The following KCNK12 variants were observed in gnomAD, a reference collection of about 807,000 sequenced individuals.
KCNK12 encodes potassium channel subfamily K member 12.
A neutral mutation model predicts 25.3 loss-of-function variants in KCNK12; 6 were observed. The ratio of observed to expected loss-of-function variants is 0.24; its 90% CI spans 0.13 to 0.47. KCNK12 has a LOEUF of 0.47. Among genes scored for constraint, KCNK12 ranks in the 20% least tolerant of loss-of-function variants. The pLI is 0.99. For synonymous variants in KCNK12, 331 were observed against 311.1 expected (o/e 1.06, Z -0.67); for missense variants, 444 against 661.7 (o/e 0.67, Z 3.61).
At position 47,511,610 on chromosome 2, in the gene KCNK12, GCA is replaced by G. The variant is rs1271004900; in HGVS notation, c.*9295_*9296del. Among the ~76,000 whole-genome samples, 2 of 152,170 alleles carry G rather than the reference GCA, an allele frequency of 1.3e-5. No homozygotes were observed. Among genetic ancestry groups the G allele is most frequent in the Non-Finnish European group, 2.9e-5 (2 of 68,034 alleles). On this transcript the variant is annotated 3_prime_UTR_variant, in exon 2 of 2. Transcript: ENST00000327876. This position sits in a 1 kb window ranked among gnomAD's most constrained non-coding sequence, Gnocchi z 4.3. ...CCCTGGGGGTGGGAGAGGGATGGGT[GCA>G]CGGTGAACAGCAGGTGGGGGTCTTT...
chr2:47,567,587 C>A (rs1310644764), intron 1 of KCNK12, among the ~76,000 whole-genome samples: 1 of 152,168 alleles, frequency 6.6e-6, no homozygotes, highest in Non-Finnish European at 1.5e-5. Context: ...ACCACTGACC[C>A]CAGAATATCC....
chr2:47,562,373 T>G lies in KCNK12; in HGVS notation c.391+7568A>C, dbSNP rs113953891. 9.7e-3 allele frequency: 3,446 copies of G among 356,158 alleles called. 116 individuals are homozygous for G. Among genetic ancestry groups the G allele is most frequent in the African/African-American group, 0.065 (3,138 of 48,042 alleles). 22.1% of individuals were successfully genotyped at this position (356,158 alleles called of 1,614,324 possible). On this transcript the variant is annotated intron_variant, in intron 1 of 1. Coordinates refer to ENST00000327876, the MANE Select transcript of KCNK12 (RefSeq NM_022055.2). This position sits in a 1 kb window ranked among gnomAD's most constrained non-coding sequence, Gnocchi z 4.8. ...CACCTTGGAATGAGATCCTCTGGGATCTGGAGGAAGCAGATGGAGGAGAAA... is the reference window on the plus strand; with the variant it reads ...CACCTTGGAATGAGATCCTCTGGGAGCTGGAGGAAGCAGATGGAGGAGAAA...
In KCNK12 at chr2:47,570,411, A is replaced by AGG. The variant is rs1200790370; in HGVS notation, c.-82_-81dup. On this transcript the variant is annotated 5_prime_UTR_variant, in exon 1 of 2. Coordinates refer to ENST00000327876, the MANE Select transcript of KCNK12 (RefSeq NM_022055.2). Reference sequence around the variant, plus strand: ...TCCCCCCGGCGGGAGCAGGAGCGTGAGGATGGTGGCCAGGGGTCCGGGGCC... The same window carrying AGG: ...TCCCCCCGGCGGGAGCAGGAGCGTGAGGGGATGGTGGCCAGGGGTCCGGGGCC... 74 of 1,199,558 alleles carry AGG rather than the reference A, an allele frequency of 6.2e-5. No homozygotes were observed. Among genetic ancestry groups the AGG allele is most frequent in the Non-Finnish European group, 7.2e-5 (70 of 967,852 alleles). 74.3% of individuals were successfully genotyped at this position (1,199,558 alleles called of 1,614,324 possible). A position where few individuals can be genotyped will look rare whatever the true frequency, so the allele number is the denominator to read the frequency against.
intron 1 of KCNK12, among the ~76,000 whole-genome samples, chr2:47,530,610 C>A (rs1047920761): frequency 6.6e-6 from 1 of 152,194 alleles, no homozygotes; most frequent in African/African-American, 2.4e-5. Flanking sequence ...TTAATCCTCA[C>A]AACAACTGCA....
At position 47,560,628 on chromosome 2, in the gene KCNK12, A is replaced by G. The variant is rs1669648642; in HGVS notation, c.391+9313T>C. Among the ~76,000 whole-genome samples the G allele has an allele frequency of 6.6e-6, 1 of 152,010 alleles. No individual in the cohort carries two copies. Among genetic ancestry groups the G allele is most frequent in the Admixed American group, 6.6e-5 (1 of 15,262 alleles). On this transcript the variant is annotated intron_variant, in intron 1 of 1. Transcript: ENST00000327876. This position sits in a 1 kb window ranked among gnomAD's most constrained non-coding sequence, Gnocchi z 4.7. ...TGTGTGATGCCAAGAAAGTTGCTTA[A>G]CCTCTCTGAGCCTGTCATCTGTGAA...
Position 47,541,619 on chromosome 2 carries a change from C to G in KCNK12, c.392-19811G>C, listed in dbSNP as rs1244901641. 2.0e-5 allele frequency among the ~76,000 whole-genome samples: 3 copies of G among 152,078 alleles called. No individual in the cohort carries two copies. In the East Asian group the frequency reaches 5.8e-4, roughly 29 times the overall value. Reference sequence around the variant, plus strand: ...GAATGTTACTGCATTGGTAGAAAGGCTTTTTAAAAAAGGGAATCAAGGTAA... The same window carrying G: ...GAATGTTACTGCATTGGTAGAAAGGGTTTTTAAAAAAGGGAATCAAGGTAA... On this transcript the variant is annotated intron_variant, in intron 1 of 1. Transcript: ENST00000327876.
rs916083642 is a variant in KCNK12, at chr2:47,555,470, C to T, written c.391+14471G>A. On this transcript the variant is annotated intron_variant, in intron 1 of 1. Coordinates refer to ENST00000327876, the MANE Select transcript of KCNK12 (RefSeq NM_022055.2). This position sits in a 1 kb window ranked among gnomAD's most constrained non-coding sequence, Gnocchi z 4.5. ...GTCTGCATAACAAACCTTACTAAAA[C>T]CAAAGCTTATTCTCCATTAGTTTCC... is the stretch of plus-strand genomic sequence containing the variant. Among the ~76,000 whole-genome samples the T allele has an allele frequency of 2.0e-5, 3 of 152,206 alleles. No homozygotes were observed. The highest frequency in any genetic ancestry group is 7.2e-5 in the African/African-American group (3 of 41,456).
chr2:47,569,952 A>C lies in KCNK12; in HGVS notation c.380T>G (p.Val127Gly). 1 of 1,420,992 alleles carries C rather than the reference A, an allele frequency of 7.0e-7. No homozygotes were observed. Among genetic ancestry groups the C allele is most frequent in the Non-Finnish European group, 9.2e-7 (1 of 1,087,146 alleles). The allele number at this position is 1,420,992 out of a possible 1,614,324, so 88.0% of individuals were successfully genotyped here. A position where few individuals can be genotyped will look rare whatever the true frequency, so the allele number is the denominator to read the frequency against. The change falls in exon 1 of 2, where the codon GTG (valine) becomes GGG (glycine). Residue 127 changes from valine to glycine, a missense_variant. Coordinates refer to ENST00000327876, the MANE Select transcript of KCNK12 (RefSeq NM_022055.2). The surrounding 1 kb of genome is among the most constrained non-coding windows in gnomAD (Gnocchi z 4.1). ...GACGCGCCGCTCACCTATGGTTGAC[A>C]CCACGGTGCCCACGAAGTAGAAGGC... ...PGAFYFVGTVVSTIGFGMTTP... is the reference protein window; with the variant it reads ...PGAFYFVGTVGSTIGFGMTTP...
intron 1 of KCNK12, among the ~76,000 whole-genome samples, chr2:47,536,602 C>T (rs914556587): frequency 6.6e-6 from 1 of 152,188 alleles, no homozygotes; most frequent in East Asian, 1.9e-4. Context: ...CACAGACCTC[C>T]AGGAACACAC....
intron 1 of KCNK12, among the ~76,000 whole-genome samples, chr2:47,549,998 A>G (rs1420711917): frequency 6.6e-6 from 1 of 152,170 alleles, no homozygotes; most frequent in East Asian, 1.9e-4. Flanking sequence ...AGTTAACAAC[A>G]TACTAAAGAC....
intron 1 of KCNK12, among the ~76,000 whole-genome samples, chr2:47,552,614 A>C (rs1669461668): frequency 1.3e-5 from 2 of 152,160 alleles, no homozygotes; most frequent in African/African-American, 4.8e-5. Flanking sequence ...CTAAAAATAC[A>C]AAAATTAGCT....
Position 47,521,776 on chromosome 2 carries a change from C to T in KCNK12, c.424G>A (p.Gly142Arg). The T allele has an allele frequency of 6.5e-7, 1 of 1,530,136 alleles. No individual in the cohort carries two copies. Among genetic ancestry groups the T allele is most frequent in the Non-Finnish European group, 8.7e-7 (1 of 1,144,898 alleles). 94.8% of individuals were successfully genotyped at this position (1,530,136 alleles called of 1,614,324 possible). A position where few individuals can be genotyped will look rare whatever the true frequency, so the allele number is the denominator to read the frequency against. Residue 142 changes from glycine to arginine, a missense_variant, in exon 2 of 2, where the codon GGG (glycine) becomes AGG (arginine). Gly to Arg is a moderately radical substitution (Grantham distance 125). Coordinates refer to ENST00000327876, the MANE Select transcript of KCNK12 (RefSeq NM_022055.2). ...CCGTAGGCGATGAGGAAGGCCTTCC[C>T]GCCCACCGTCGCGGGGGTGGTCATG... ...FGMTTPATVG[G>R]KAFLIAYGLF...
intron 1 of KCNK12, among the ~76,000 whole-genome samples, chr2:47,537,141 A>G (rs984483338): frequency 2.0e-5 from 3 of 152,164 alleles, no homozygotes; most frequent in African/African-American, 4.8e-5. Context: ...GGCTGCCTTC[A>G]TCTTTCTCAA....
At position 47,570,117 on chromosome 2, in the gene KCNK12, C is replaced by A; in HGVS notation, c.215G>T (p.Trp72Leu). 7.0e-7 allele frequency: 1 copy of A among 1,421,388 alleles called. No homozygotes were observed. The highest frequency in any genetic ancestry group is 9.2e-7 in the Non-Finnish European group (1 of 1,088,308). The allele number at this position is 1,421,388 out of a possible 1,614,324, so 88.0% of individuals were successfully genotyped here. A position where few individuals can be genotyped will look rare whatever the true frequency, so the allele number is the denominator to read the frequency against. The change falls in exon 1 of 2, where the codon TGG becomes TTG. Residue 72 changes from tryptophan to leucine, a missense_variant. Coordinates refer to ENST00000327876, the MANE Select transcript of KCNK12 (RefSeq NM_022055.2). ...SPGEAEARAR[W>L]GATLRNFSAA... ...GCTGAAGTTGCGCAGCGTGGCGCCC[C>A]AGCGCGCCCGCGCCTCCGCCTCGCC... is the stretch of plus-strand genomic sequence containing the variant.
Position 47,521,752 on chromosome 2 carries a change from C to G in KCNK12, c.448G>C (p.Gly150Arg). The G allele has an allele frequency of 6.4e-7, 1 of 1,551,552 alleles. No homozygotes were observed. The highest frequency in any genetic ancestry group is 8.6e-7 in the Non-Finnish European group (1 of 1,156,492). Residue 150 changes from glycine (G) to arginine (R), a missense_variant, in exon 2 of 2, where the codon GGG becomes CGG. This residue lies in a region of KCNK12 where 44 missense variants were observed against 100.7 expected (regional missense o/e 0.44). Coordinates refer to ENST00000327876, the MANE Select transcript of KCNK12 (RefSeq NM_022055.2). ...ATGGTCCCAGCGCAGCCGAACAGCC[C>G]GTAGGCGATGAGGAAGGCCTTCCCG... ...VGGKAFLIAYGLFGCAGTILF... is the reference protein window; with the variant it reads ...VGGKAFLIAYRLFGCAGTILF...
chr2:47,544,772 T>C (rs1160323165), intron 1 of KCNK12, among the ~76,000 whole-genome samples: 1 of 152,170 alleles, frequency 6.6e-6, no homozygotes, highest in Non-Finnish European at 1.5e-5. Context: ...GGGGATGCAG[T>C]TGCACTTATA....
rs1669350296 is a variant in KCNK12 at position 47,548,054 on chromosome 2, C to A, written c.391+21887G>T. On this transcript the variant is annotated intron_variant, in intron 1 of 1. Coordinates refer to ENST00000327876, the MANE Select transcript of KCNK12 (RefSeq NM_022055.2). The surrounding 1 kb of genome is among the most constrained non-coding windows in gnomAD (Gnocchi z 4.4). ...TGTGTAGCACCTTCCCCTTTGCTCT[C>A]TTCCTCCTGCTCCAGCCATGAAGGA... 6.6e-6 allele frequency among the ~76,000 whole-genome samples: 1 copy of A among 152,308 alleles called. No individual in the cohort carries two copies. Among genetic ancestry groups the A allele is most frequent in the Non-Finnish European group, 1.5e-5 (1 of 68,038 alleles).
Position 47,566,916 on chromosome 2 carries a change from G to A in KCNK12, c.391+3025C>T, listed in dbSNP as rs1669796961. ...ATTGGACCAAAAAGGTCCCCTTCTT[G>A]TTCTAATCATCTTCAGTGAGGATGG... is the stretch of plus-strand genomic sequence containing the variant. On this transcript the variant is annotated intron_variant, in intron 1 of 1. Coordinates refer to ENST00000327876, the MANE Select transcript of KCNK12 (RefSeq NM_022055.2). The surrounding 1 kb of genome is among the most constrained non-coding windows in gnomAD (Gnocchi z 4.1). 6.6e-6 allele frequency: 1 copy of A among 152,156 alleles called. No homozygotes were observed. The highest frequency in any genetic ancestry group is 6.5e-5 in the Admixed American group (1 of 15,284). 9.4% of individuals were successfully genotyped at this position (152,156 alleles called of 1,614,324 possible).
chr2:47,510,569 A>G lies in KCNK12; in HGVS notation c.*10338T>C, dbSNP rs1283556391. Among the ~76,000 whole-genome samples, 1 of 152,062 alleles carries G rather than the reference A, an allele frequency of 6.6e-6. No homozygotes were observed. Among genetic ancestry groups the G allele is most frequent in the Non-Finnish European group, 1.5e-5 (1 of 68,020 alleles). The stretch of plus-strand genomic sequence containing the variant: ...CAGGATCTGCCCTGGGGGCTATCTC[A>G]ACACCCCTACACTCTCACCGCACGT... On this transcript the variant is annotated 3_prime_UTR_variant, in exon 2 of 2. Transcript: ENST00000327876.
Sources: allele counts gnomAD v4.1 joint callset (sites outside exome capture counted in the v4.1 genomes callset), GRCh38; gene constraint gnomAD v4.1.1; regional missense constraint gnomAD v4.1.1; non-coding constraint Gnocchi (gnomAD v3.1); transcripts MANE v1.5; gene names NCBI Gene and HGNC (gene_info 2026-07-23, HGNC 2026-07-21).